The following WWOX variants were observed in gnomAD, a reference collection of about 807,000 sequenced individuals.
The protein encoded by WWOX is WW domain containing oxidoreductase.
WWOX carries 69 observed loss-of-function variants against 46.2 expected under a neutral mutation model. The observed-to-expected ratio is 1.49, with a 90% CI of 1.23 to 1.82. The LOEUF (loss-of-function observed/expected upper bound fraction) is 1.82. WWOX is among the 40% of genes most tolerant of loss of function. WWOX has a pLI of 0.00. For synonymous variants in WWOX, 359 were observed against 202.6 expected, an observed-to-expected ratio of 1.77 and a Z score of -6.56; for missense variants, 919 against 542.6, an observed-to-expected ratio of 1.69 and a Z score of -6.89.
intron 8 of WWOX, chr16:78,872,719 C>G (rs1317108366): frequency 2.0e-5 from 3 of 152,196 alleles, no homozygotes; most frequent in African/African-American, 7.2e-5. Context: ...GTTTCTCTTT[C>G]TTTGCCTTCC....
intron 8 of WWOX, among the ~76,000 whole-genome samples, chr16:78,638,744 G>GCT (rs931446382): frequency 3.4e-4 from 51 of 151,898 alleles, no homozygotes; most frequent in Non-Finnish European, 2.6e-4. Flanking sequence ...TCCTCAGGGT[G>GCT]CTCTCTCTCT....
At chr16:78,175,066 C>T (rs535483738) in intron 5 of WWOX, among the ~76,000 whole-genome samples, 1 of 151,580 alleles carries the variant, frequency 6.6e-6, no homozygotes, top group East Asian at 1.9e-4. Flanking sequence ...TTAAGGTATG[C>T]TGTGCTAAGG....
chr16:78,674,634 C>T (rs954829476), intron 8 of WWOX, among the ~76,000 whole-genome samples: 2 of 152,144 alleles, frequency 1.3e-5, no homozygotes, highest in African/African-American at 4.8e-5. Context: ...CTAGGTTCCA[C>T]ACTTCTGGCC....
At chr16:78,661,316 T>C (rs1010497384) in intron 8 of WWOX, among the ~76,000 whole-genome samples, 1 of 152,254 alleles carries the variant, frequency 6.6e-6, no homozygotes, top group East Asian at 1.9e-4. Context: ...CACGCCATTT[T>C]TTAAAATTTA....
At chr16:78,333,557 A>G (rs1191796490) in intron 5 of WWOX, among the ~76,000 whole-genome samples, 4 of 152,266 alleles carry the variant, frequency 2.6e-5, no homozygotes, top group East Asian at 1.9e-4. Context: ...TCAGTATATC[A>G]TATTTATAGA....
intron 8 of WWOX, among the ~76,000 whole-genome samples, chr16:78,773,039 AAAACAAACAAACAAAAG>A (rs1405219792): frequency 1.3e-5 from 2 of 152,118 alleles, no homozygotes; most frequent in Non-Finnish European, 2.9e-5. Context: ...TCTCCAAAGC[AAAACAAACAAACAAAAG>A]AAACAAACAA....
rs2081526228 is a variant in WWOX, at chr16:78,365,918, G to A, written c.517-20942G>A. ...TATTGTTGTTTTGGTTTGGGTTTCTGAAGTATAAATGCATATGAACTGGAC... is the reference window on the plus strand; with the variant it reads ...TATTGTTGTTTTGGTTTGGGTTTCTAAAGTATAAATGCATATGAACTGGAC... On this transcript the variant is annotated intron_variant, in intron 5 of 8. Coordinates refer to ENST00000566780, the MANE Select transcript of WWOX (RefSeq NM_016373.4). 2.6e-5 allele frequency among the ~76,000 whole-genome samples: 4 copies of A among 152,160 alleles called. No individual in the cohort carries two copies. In the South Asian group the frequency reaches 8.3e-4, roughly 32 times the overall value.
At chr16:78,288,267 C>CTTTTTTTTT (rs201333228) in intron 5 of WWOX, among the ~76,000 whole-genome samples, 8 of 124,704 alleles carry the variant, frequency 6.4e-5, no homozygotes, top group African/African-American at 1.2e-4. Flanking sequence ...TATGAGTTTA[C>CTTTTTTTTT]TTTTTTTTTT....
At chr16:78,709,794 T>C (rs2048400932) in intron 8 of WWOX, among the ~76,000 whole-genome samples, 1 of 151,360 alleles carries the variant, frequency 6.6e-6, no homozygotes. Flanking sequence ...AGTGGTGTGA[T>C]CTCAGCTCAC....
At chr16:78,394,506 T>A (rs925740243) in intron 6 of WWOX, among the ~76,000 whole-genome samples, 1 of 152,176 alleles carries the variant, frequency 6.6e-6, no homozygotes, top group Non-Finnish European at 1.5e-5. Flanking sequence ...CTTCTGAAAC[T>A]TTTTCAGCAT....
At chr16:78,934,023 C>T (rs889292720) in intron 8 of WWOX, among the ~76,000 whole-genome samples, 3 of 151,964 alleles carry the variant, frequency 2.0e-5, no homozygotes, top group Non-Finnish European at 4.4e-5. Context: ...GAGACACCGT[C>T]TCTCAAAAAA....
chr16:78,218,827 T>C (rs1374898781), intron 5 of WWOX, among the ~76,000 whole-genome samples: 3 of 152,280 alleles, frequency 2.0e-5, no homozygotes, highest in East Asian at 3.8e-4. Context: ...CAGTGATTTT[T>C]ATTCATTAGA....
intron 6 of WWOX, among the ~76,000 whole-genome samples, chr16:78,397,824 C>A (rs1002298088): frequency 2.0e-5 from 3 of 152,184 alleles, no homozygotes; most frequent in Non-Finnish European, 4.4e-5. Flanking sequence ...CGCTCCTGGC[C>A]TTTCAGCCAA....
At chr16:79,070,555 G>T (rs567212820) in intron 8 of WWOX, among the ~76,000 whole-genome samples, 1 of 152,268 alleles carries the variant, frequency 6.6e-6, no homozygotes, top group African/African-American at 2.4e-5. Flanking sequence ...AAGCTCCTTG[G>T]CAATGAGTGA....
intron 4 of WWOX, among the ~76,000 whole-genome samples, chr16:78,121,425 A>G (rs2033086426): frequency 6.6e-6 from 1 of 152,190 alleles, no homozygotes; most frequent in Non-Finnish European, 1.5e-5. Context: ...CTTATGACTT[A>G]ACCATTTTAC....
intron 8 of WWOX, among the ~76,000 whole-genome samples, chr16:78,783,052 C>T (rs1215376108): frequency 1.3e-5 from 2 of 152,190 alleles, no homozygotes; most frequent in Non-Finnish European, 2.9e-5. Context: ...ATCACTTAAA[C>T]TCAATATGGA....
At chr16:78,554,808 C>T (rs1156608326) in intron 8 of WWOX, among the ~76,000 whole-genome samples, 2 of 152,164 alleles carry the variant, frequency 1.3e-5, no homozygotes, top group African/African-American at 2.4e-5. Flanking sequence ...AGCCCACTGC[C>T]CACCCAGAGC....
intron 8 of WWOX, among the ~76,000 whole-genome samples, chr16:79,084,676 G>C (rs915569290): frequency 6.6e-6 from 1 of 152,220 alleles, no homozygotes; most frequent in Non-Finnish European, 1.5e-5. Flanking sequence ...GCCTCCCAAA[G>C]TGCTGGGATT....
intron 8 of WWOX, among the ~76,000 whole-genome samples, chr16:79,124,651 G>A (rs1203796554): frequency 6.6e-6 from 1 of 152,188 alleles, no homozygotes; most frequent in Admixed American, 6.5e-5. Context: ...TGTTCAGGGA[G>A]GCTGTTGATG....
Sources: gnomAD v4.1 joint callset for allele counts (sites outside exome capture counted in the v4.1 genomes callset) on GRCh38, gnomAD v4.1.1 for gene constraint, MANE v1.5 for transcripts, NCBI Gene and HGNC (gene_info 2026-07-23, HGNC 2026-07-21) for gene names.